The following CTCFL variants were observed in gnomAD, a reference collection of about 807,000 sequenced individuals.
CTCFL encodes the protein transcriptional repressor CTCFL.
Under a neutral mutation model 67.4 loss-of-function variants are expected in CTCFL, and 36 were observed. The ratio of observed to expected loss-of-function variants is 0.53; its 90% confidence interval spans 0.41 to 0.71. The LOEUF (loss-of-function observed/expected upper bound fraction) is 0.71. CTCFL is among the 30% of genes least tolerant of loss of function. CTCFL has a pLI of 0.00. For synonymous variants in CTCFL, 324 were observed against 302.3 expected (o/e 1.07, Z -0.75); for missense variants, 786 against 835.2 (o/e 0.94, Z 0.73).
At chr20:57,502,512 C>G (rs1483399491) in intron 10 of CTCFL, among the ~76,000 whole-genome samples, 1 of 152,004 alleles carries the variant, frequency 6.6e-6, no homozygotes, top group Non-Finnish European at 1.5e-5. Context: ...TGGGAACATT[C>G]GCAATGCAGG....
Position 57,514,660 on chromosome 20 carries a change from T to A in CTCFL, c.1262A>T (p.His421Leu). 1 of 1,614,202 alleles carries A rather than the reference T, an allele frequency of 6.2e-7. No individual in the cohort carries two copies. Among genetic ancestry groups the A allele is most frequent in the Admixed American group, 1.7e-5 (1 of 60,030 alleles). Residue 421 changes from histidine to leucine, a missense_variant, in exon 7 of 11, where the codon CAC becomes CTC. By Grantham distance (99) the His-to-Leu change is moderately conservative (BLOSUM62 -3). This residue lies in a region of CTCFL where 254 missense variants were observed against 333.9 expected (regional missense o/e 0.76). Coordinates refer to ENST00000243914, the MANE Select transcript of CTCFL (RefSeq NM_001386993.1). Reference protein sequence around the residue: ...GTMKIHILQKHGENVPKYQCP... With the variant: ...GTMKIHILQKLGENVPKYQCP... ...CTGGTATTTGGGGACATTTTCGCCG[T>A]GTTTCTGCAGAATATGTATTTTCAT...
intron 8 of CTCFL, among the ~76,000 whole-genome samples, chr20:57,509,292 T>A (rs2068405066): frequency 6.6e-6 from 1 of 151,500 alleles, no homozygotes; most frequent in African/African-American, 2.4e-5. Flanking sequence ...CGATTTTTTT[T>A]TTTTTTTTTT....
intron 6 of CTCFL, 29 bp from the exon 7 acceptor site, chr20:57,514,770 C>G (rs770244245): frequency 6.2e-7 from 1 of 1,607,370 alleles, no homozygotes; most frequent in Admixed American, 1.7e-5. Flanking sequence ...AGTGATTCCC[C>G]CTCCAGGCCT....
chr20:57,518,628 C>T, intron 5 of CTCFL, 130 bp downstream of exon 5: 2 of 1,558,966 alleles, frequency 1.3e-6, no homozygotes, highest in Non-Finnish European at 1.7e-6. Context: ...ATATTATTTC[C>T]TGCATAAATT....
intron 10 of CTCFL, among the ~76,000 whole-genome samples, chr20:57,501,681 C>T (rs541355140): frequency 1.3e-5 from 2 of 152,148 alleles, no homozygotes; most frequent in South Asian, 4.2e-4. Context: ...CAGGAGCTGG[C>T]GGAGGATGGC....
chr20:57,503,964 G>T (rs1568852463), intron 9 of CTCFL, among the ~76,000 whole-genome samples: 1 of 151,518 alleles, frequency 6.6e-6, no homozygotes, highest in Admixed American at 6.6e-5. Flanking sequence ...AAAGGTGATA[G>T]AAACCTAAAA....
chr20:57,514,911 G>A (rs2068806707), intron 6 of CTCFL, 170 bp from the exon 7 acceptor site: 2 of 653,332 alleles, frequency 3.1e-6, no homozygotes, highest in South Asian at 3.9e-5. Context: ...GACAGCTTAT[G>A]TCAAGTACAG....
At position 57,519,283 on chromosome 20, in the gene CTCFL, C is replaced by A. The variant is rs1201792175; in HGVS notation, c.849G>T (p.Lys283Asn). Residue 283 changes from lysine to asparagine, a missense_variant, in exon 4 of 11, where the codon AAG becomes AAT. Physicochemically the swap from Lys to Asn is moderately conservative, Grantham distance 94. Around this residue, in one of 3 missense-constraint regions of CTCFL, gnomAD observed 254 missense variants for 333.9 expected, o/e 0.76. Transcript: ENST00000243914. ...NRHMKTHTSE[K>N]PHLCHLCLKT... ...TCAGGCAGAGGTGACACAGGTGAGG[C>A]TTCTCACTGGTGTGAGTTTTCATAT... is the stretch of plus-strand genomic sequence containing the variant. 1 of 1,613,928 alleles carries A rather than the reference C, an allele frequency of 6.2e-7. No homozygotes were observed. Among genetic ancestry groups the A allele is most frequent in the Non-Finnish European group, 8.5e-7 (1 of 1,179,930 alleles).
chr20:57,524,605 G>A (rs936586268), intron 1 of CTCFL: 4 of 1,024,606 alleles, frequency 3.9e-6, no homozygotes, highest in Non-Finnish European at 4.7e-6. Flanking sequence ...TAAGGTTTGG[G>A]CCCAGCAGGC....
chr20:57,523,405 T>C, intron 2 of CTCFL, 127 bp from the exon 3 acceptor site: 1 of 1,026,226 alleles, frequency 9.7e-7, no homozygotes, highest in South Asian at 1.6e-5. Flanking sequence ...ATGTTAATTA[T>C]TTCGCATCAG....
At chr20:57,513,642 C>T (rs956276681) in intron 7 of CTCFL, 1 of 1,179,492 alleles carries the variant, frequency 8.5e-7, no homozygotes, top group Non-Finnish European at 1.1e-6. Flanking sequence ...TTGTGATGTG[C>T]TGGTATCTAC....
intron 3 of CTCFL, among the ~76,000 whole-genome samples, chr20:57,521,746 G>A (rs1255373779): frequency 2.6e-5 from 4 of 152,176 alleles, no homozygotes; most frequent in South Asian, 2.1e-4. Flanking sequence ...CATTAAAAAC[G>A]AATGAAGCGC....
intron 8 of CTCFL, among the ~76,000 whole-genome samples, chr20:57,511,903 A>G (rs2068588226): frequency 6.6e-6 from 1 of 152,142 alleles, no homozygotes; most frequent in Non-Finnish European, 1.5e-5. Flanking sequence ...TACATTGTTC[A>G]TTTTTTAAAA....
At chr20:57,507,141 ACT>A in intron 9 of CTCFL, 1 of 711,650 alleles carries the variant, frequency 1.4e-6, no homozygotes, top group East Asian at 1.2e-4. Context: ...TTCATTCCCC[ACT>A]CGAGTGTGGG....
intron 5 of CTCFL, 180 bp downstream of exon 5, chr20:57,518,578 G>A (rs1568876060): frequency 2.0e-6 from 3 of 1,471,768 alleles, no homozygotes; most frequent in Admixed American, 2.2e-5. Context: ...AAGAAACAAA[G>A]AAATCCAATT....
chr20:57,497,743 A>G lies in CTCFL; in HGVS notation c.*807T>C. On this transcript the variant is annotated 3_prime_UTR_variant, in exon 11 of 11. Transcript: ENST00000243914. ...CCAATTATTTTACAAATATAAAAAGAGTAGTTTTAGCAGAAAAAAGGGTTA... is the reference window on the plus strand; with the variant it reads ...CCAATTATTTTACAAATATAAAAAGGGTAGTTTTAGCAGAAAAAAGGGTTA... 1 of 984,280 alleles carries G rather than the reference A, an allele frequency of 1.0e-6. No homozygotes were observed. Among genetic ancestry groups the G allele is most frequent in the African/African-American group, 1.8e-5 (1 of 56,760 alleles). The allele number at this position is 984,280 out of a possible 1,614,324, so 61.0% of individuals were successfully genotyped here. A position where few individuals can be genotyped will look rare whatever the true frequency, so the allele number is the denominator to read the frequency against.
chr20:57,515,435 A>C, intron 6 of CTCFL: 1 of 379,656 alleles, frequency 2.6e-6, no homozygotes, highest in Non-Finnish European at 4.9e-6. Context: ...TTGAGCCACC[A>C]TGCCTGGCCA....
intron 10 of CTCFL, among the ~76,000 whole-genome samples, chr20:57,501,764 A>G (rs2067927812): frequency 6.6e-6 from 1 of 152,202 alleles, no homozygotes; most frequent in Non-Finnish European, 1.5e-5. Context: ...CTGCTGGTGC[A>G]GAGTCAGTGA....
At chr20:57,522,559 A>G (rs576940638) in intron 3 of CTCFL, among the ~76,000 whole-genome samples, 18 of 152,252 alleles carry the variant, frequency 1.2e-4, no homozygotes, top group African/African-American at 4.3e-4. Context: ...ACCCTCAGAT[A>G]CAAAGTAAAT....
Sources: allele counts gnomAD v4.1 joint callset (sites outside exome capture counted in the v4.1 genomes callset), GRCh38; gene constraint gnomAD v4.1.1; regional missense constraint gnomAD v4.1.1; transcripts MANE v1.5; gene names NCBI Gene and HGNC (gene_info 2026-07-23, HGNC 2026-07-21).